Variants in PCCA observed in about 807,000 individuals in gnomAD.
PCCA encodes propionyl-CoA carboxylase alpha chain, mitochondrial.
Under a neutral mutation model 101.3 loss-of-function variants are expected in PCCA, and 74 were observed. The ratio of observed to expected loss-of-function variants is 0.73; its 90% CI spans 0.61 to 0.89. The LOEUF is 0.89. PCCA is among the 40% of genes least tolerant of loss of function. The probability of loss-of-function intolerance (pLI) is 0.00; values close to 1 mark genes in which losing one functional copy is unlikely to be tolerated. For missense variants in PCCA, 891 were observed against 907.0 expected (o/e 0.98, Z 0.23); for synonymous variants, 294 against 313.6 (o/e 0.94, Z 0.66).
At chr13:100,498,072 G>A (rs191183269) in intron 21 of PCCA, among the ~76,000 whole-genome samples, 6 of 151,556 alleles carry the variant, frequency 4.0e-5, no homozygotes, top group African/African-American at 1.5e-4. Flanking sequence ...TTGCTATATT[G>A]CCCAGGCTGG....
chr13:100,495,585 A>C (rs187142558), intron 21 of PCCA, among the ~76,000 whole-genome samples: 17 of 152,320 alleles, frequency 1.1e-4, no homozygotes, highest in Non-Finnish European at 2.5e-4. Flanking sequence ...TGACTACTCA[A>C]TAAAGAAAAT....
intron 9 of PCCA, among the ~76,000 whole-genome samples, chr13:100,258,275 T>C (rs2062212461): frequency 6.6e-6 from 1 of 152,210 alleles, no homozygotes; most frequent in Non-Finnish European, 1.5e-5. Context: ...ACACAGCTTC[T>C]GCTCAAATTC....
In PCCA at chr13:100,242,372, A is replaced by G. The variant is rs554833768; in HGVS notation, c.637+6494A>G. On this transcript the variant is annotated intron_variant, in intron 8 of 23. Coordinates refer to ENST00000376285, the MANE Select transcript of PCCA (RefSeq NM_000282.4). ...TACAAATGTATATGCACCAGGAAAC[A>G]TGGCCCTAAAATATTTGAGATAAAC... Among the ~76,000 whole-genome samples the G allele has an allele frequency of 2.2e-3, 337 of 152,330 alleles. 1 individual carries two copies. Among genetic ancestry groups the G allele is most frequent in the African/African-American group, 5.6e-3 (234 of 41,580 alleles).
intron 19 of PCCA, among the ~76,000 whole-genome samples, chr13:100,392,989 C>T (rs1304953528): frequency 6.7e-6 from 1 of 149,224 alleles, no homozygotes; most frequent in African/African-American, 2.6e-5. Context: ...AGCCTGGGGC[C>T]TCCTGACGGC....
chr13:100,138,565 C>T (rs1185176675), intron 4 of PCCA, among the ~76,000 whole-genome samples: 1 of 152,054 alleles, frequency 6.6e-6, no homozygotes, highest in African/African-American at 2.4e-5. Flanking sequence ...TGTTATTTTC[C>T]TTCTGTCTGA....
intron 12 of PCCA, among the ~76,000 whole-genome samples, chr13:100,288,966 T>TTTGG (rs1372328044): frequency 1.3e-5 from 2 of 152,212 alleles, no homozygotes; most frequent in African/African-American, 4.8e-5. Context: ...CCCAGTGTTG[T>TTTGG]TTCACGTATG....
chr13:100,496,266 G>C (rs1166338730), intron 21 of PCCA, among the ~76,000 whole-genome samples: 2 of 152,160 alleles, frequency 1.3e-5, no homozygotes, highest in African/African-American at 4.8e-5. Context: ...TAAAGCAAAA[G>C]AAAAAGAAGT....
chr13:100,350,414 G>A (rs967656349), intron 18 of PCCA, among the ~76,000 whole-genome samples: 2 of 152,048 alleles, frequency 1.3e-5, no homozygotes, highest in South Asian at 2.1e-4. Context: ...AAATAGCTAC[G>A]TTCATTTGAG....
intron 18 of PCCA, among the ~76,000 whole-genome samples, chr13:100,352,545 C>T (rs2073400851): frequency 6.6e-6 from 1 of 150,878 alleles, no homozygotes; most frequent in African/African-American, 2.4e-5. Flanking sequence ...GAGTGCATGC[C>T]CTAACATTTG....
intron 19 of PCCA, among the ~76,000 whole-genome samples, chr13:100,390,112 C>T (rs2076728279): frequency 6.6e-6 from 1 of 152,142 alleles, no homozygotes; most frequent in South Asian, 2.1e-4. Context: ...ATTTATTGAG[C>T]AGTAATAATA....
rs182904013 is a variant in PCCA at position 100,161,573 on chromosome 13, A to G, written c.468+4233A>G. 5.9e-5 allele frequency: 9 copies of G among 152,330 alleles called. No individual in the cohort carries two copies. In the East Asian group the frequency reaches 1.5e-3, roughly 26 times the overall value. 9.4% of individuals were successfully genotyped at this position (152,330 alleles called of 1,614,324 possible). On this transcript the variant is annotated intron_variant, in intron 6 of 23. Coordinates refer to ENST00000376285, the MANE Select transcript of PCCA (RefSeq NM_000282.4). ...AAATTCTGAAGTTAGCAAGTTTGCCAGTGACTTTGTTTAACAATTTTTTTG... is the reference window on the plus strand; with the variant it reads ...AAATTCTGAAGTTAGCAAGTTTGCCGGTGACTTTGTTTAACAATTTTTTTG...
chr13:100,239,267 T>C (rs947118566), intron 8 of PCCA, among the ~76,000 whole-genome samples: 1 of 152,226 alleles, frequency 6.6e-6, no homozygotes, highest in Non-Finnish European at 1.5e-5. Flanking sequence ...GTCACAGAAC[T>C]ATCGAGTGGT....
chr13:100,385,287 G>T (rs915851408), intron 19 of PCCA, among the ~76,000 whole-genome samples: 2 of 152,144 alleles, frequency 1.3e-5, no homozygotes, highest in East Asian at 3.8e-4. Flanking sequence ...GCTTAAAAAT[G>T]TAAAAATTTT....
intron 20 of PCCA, among the ~76,000 whole-genome samples, chr13:100,442,040 C>CTGTA (rs1221723816): frequency 1.4e-5 from 2 of 147,878 alleles, no homozygotes; most frequent in Non-Finnish European, 3.0e-5. Context: ...GTCACTCAGG[C>CTGTA]TGTAGTGCAA....
chr13:100,260,433 G>T (rs183804654), intron 9 of PCCA, among the ~76,000 whole-genome samples: 25 of 148,582 alleles, frequency 1.7e-4, no homozygotes, highest in African/African-American at 6.3e-4. Context: ...GTCTCGCTCT[G>T]TTGTCCAGGC....
At chr13:100,475,544 T>C (rs779300215) in intron 21 of PCCA, among the ~76,000 whole-genome samples, 1 of 152,236 alleles carries the variant, frequency 6.6e-6, no homozygotes, top group Non-Finnish European at 1.5e-5. Context: ...TTTATTTACC[T>C]GTCAGTTGGT....
At chr13:100,313,606 A>G (rs2067105708) in intron 16 of PCCA, among the ~76,000 whole-genome samples, 1 of 152,164 alleles carries the variant, frequency 6.6e-6, no homozygotes, top group Admixed American at 6.5e-5. Context: ...CTTAATTTCT[A>G]ATGTTAGTTT....
Position 100,273,338 on chromosome 13 carries a change from A to G in PCCA, c.1057A>G (p.Arg353Gly), listed in dbSNP as rs1033669780. Reference sequence around the variant, plus strand: ...TTTTTATTTCTTGGAAATGAATACAAGACTCCAGGTAACAACAACTGTTAT... The same window carrying G: ...TTTTTATTTCTTGGAAATGAATACAGGACTCCAGGTAACAACAACTGTTAT... ...KNFYFLEMNT[R>G]LQVEHPVTEC... The change falls in exon 12 of 24, where the codon AGA becomes GGA. Residue 353 changes from arginine to glycine, a missense_variant. Coordinates refer to ENST00000376285, the MANE Select transcript of PCCA (RefSeq NM_000282.4). The G allele has an allele frequency of 6.2e-6, 10 of 1,611,662 alleles. No individual in the cohort carries two copies. The highest frequency in any genetic ancestry group is 1.3e-5 in the African/African-American group (1 of 74,890).
At chr13:100,448,136 A>T (rs2080970394) in intron 20 of PCCA, among the ~76,000 whole-genome samples, 2 of 152,214 alleles carry the variant, frequency 1.3e-5, no homozygotes, top group Admixed American at 1.3e-4. Flanking sequence ...GATTAGCCAG[A>T]AGAGGAAGAA....
Sources: allele counts gnomAD v4.1 joint callset (sites outside exome capture counted in the v4.1 genomes callset), GRCh38; gene constraint gnomAD v4.1.1; transcripts MANE v1.5; gene names NCBI Gene and HGNC (gene_info 2026-07-23, HGNC 2026-07-21).